Variants in CERS6 observed in about 807,000 individuals in gnomAD.
The protein encoded by CERS6 is LAG1 homolog, ceramide synthase 6.
In CERS6, 26 loss-of-function variants were observed where a neutral mutation model predicts 56.8. The observed-to-expected ratio is 0.46, with a 90% CI of 0.34 to 0.63. CERS6 has a LOEUF of 0.63. Among genes scored for constraint, CERS6 ranks in the 30% least tolerant of loss-of-function variants. The pLI, the probability that CERS6 is intolerant of heterozygous loss-of-function variation, is 0.01. For missense variants in CERS6, 415 were observed against 467.5 expected (o/e 0.89, Z 1.04); for synonymous variants, 164 against 173.3 (o/e 0.95, Z 0.42).
intron 8 of CERS6, among the ~76,000 whole-genome samples, chr2:168,738,651 T>C (rs560130005): frequency 3.3e-5 from 5 of 152,282 alleles, no homozygotes; most frequent in African/African-American, 1.2e-4. Context: ...GCATCACAGA[T>C]TTTTTATAAG....
chr2:168,500,564 A>C (rs1383001049), intron 1 of CERS6, among the ~76,000 whole-genome samples: 1 of 152,194 alleles, frequency 6.6e-6, no homozygotes. Flanking sequence ...TTATCATGCT[A>C]TTTCATATAT....
At chr2:168,689,415 C>G (rs2105359336) in intron 4 of CERS6, among the ~76,000 whole-genome samples, 1 of 152,102 alleles carries the variant, frequency 6.6e-6, no homozygotes, top group South Asian at 2.1e-4. Flanking sequence ...GGACAAAAGA[C>G]CAAAAATGGG....
At chr2:168,569,825 TA>T (rs1428396686) in intron 3 of CERS6, among the ~76,000 whole-genome samples, 1 of 152,206 alleles carries the variant, frequency 6.6e-6, no homozygotes, top group Non-Finnish European at 1.5e-5. Context: ...ACTGGATTCG[TA>T]AAATGGGCAC....
intron 1 of CERS6, among the ~76,000 whole-genome samples, chr2:168,477,873 A>G (rs1400742334): frequency 6.6e-6 from 1 of 152,190 alleles, no homozygotes; most frequent in Non-Finnish European, 1.5e-5. Flanking sequence ...ACATTTTTAT[A>G]TGTTTTAAAG....
At chr2:168,767,815 T>C (rs1684760864) in intron 9 of CERS6, among the ~76,000 whole-genome samples, 1 of 152,138 alleles carries the variant, frequency 6.6e-6, no homozygotes, top group African/African-American at 2.4e-5. Context: ...AATTCTGCCA[T>C]ACCTCCCAGG....
At chr2:168,711,336 C>G (rs1477497722) in intron 6 of CERS6, among the ~76,000 whole-genome samples, 1 of 152,160 alleles carries the variant, frequency 6.6e-6, no homozygotes, top group African/African-American at 2.4e-5. Flanking sequence ...CACATATACA[C>G]AAATATGAAA....
chr2:168,719,013 G>A (rs572398024), intron 8 of CERS6, among the ~76,000 whole-genome samples: 32 of 152,324 alleles, frequency 2.1e-4, no homozygotes, highest in Non-Finnish European at 4.4e-4. Flanking sequence ...AAGCTTACCA[G>A]TCTAGAATAT....
chr2:168,505,796 G>A lies in CERS6; in HGVS notation c.171-41800G>A, dbSNP rs10167281. On this transcript the variant is annotated intron_variant, in intron 1 of 9. Transcript: ENST00000305747. ...TGGTCTAGTGTCAGTCTGCTTTGGG[G>A]AAATAATTGGTTTCTTCTAGCTCAA... is the stretch of plus-strand genomic sequence containing the variant. Among the ~76,000 whole-genome samples, 682 of 152,308 alleles carry A rather than the reference G, an allele frequency of 4.5e-3. 3 individuals carry two copies. The highest frequency in any genetic ancestry group is 0.015 in the African/African-American group (629 of 41,564).
chr2:168,763,456 T>G (rs187987780), intron 8 of CERS6, among the ~76,000 whole-genome samples: 76 of 151,916 alleles, frequency 5.0e-4, no homozygotes, highest in African/African-American at 1.8e-3. Flanking sequence ...GAGACAGGGT[T>G]TCAGCATCTT....
At chr2:168,737,542 A>G (rs895620054) in intron 8 of CERS6, among the ~76,000 whole-genome samples, 1 of 152,230 alleles carries the variant, frequency 6.6e-6, no homozygotes, top group Admixed American at 6.5e-5. Context: ...TCTGATACAC[A>G]TTTGAAATCC....
chr2:168,623,583 G>C (rs1359660646), intron 3 of CERS6, among the ~76,000 whole-genome samples: 1 of 152,104 alleles, frequency 6.6e-6, no homozygotes, highest in African/African-American at 2.4e-5. Flanking sequence ...ATGTCTGATG[G>C]CTTTGTTAGA....
At chr2:168,671,716 AT>A (rs1685922881) in intron 4 of CERS6, among the ~76,000 whole-genome samples, 1 of 152,212 alleles carries the variant, frequency 6.6e-6, no homozygotes, top group African/African-American at 2.4e-5. Flanking sequence ...AACTCATGAT[AT>A]ATGAAGATGG....
chr2:168,603,416 A>G (rs543529150), intron 3 of CERS6, among the ~76,000 whole-genome samples: 1 of 152,228 alleles, frequency 6.6e-6, no homozygotes, highest in Non-Finnish European at 1.5e-5. Flanking sequence ...GAGAATGACT[A>G]TCAATAGGTA....
chr2:168,641,281 A>G (rs372292700), intron 4 of CERS6, among the ~76,000 whole-genome samples: 3 of 151,824 alleles, frequency 2.0e-5, no homozygotes, highest in Admixed American at 6.6e-5. Flanking sequence ...GTGTCTTTCA[A>G]TTAAACTGAT....
chr2:168,557,348 T>C (rs188371349), intron 2 of CERS6, among the ~76,000 whole-genome samples: 71 of 152,334 alleles, frequency 4.7e-4, no homozygotes, highest in African/African-American at 1.1e-3. Context: ...CCCTATGTTA[T>C]GATCTTAATG....
chr2:168,665,060 C>A (rs2161978), intron 4 of CERS6, among the ~76,000 whole-genome samples: 3 of 151,998 alleles, frequency 2.0e-5, no homozygotes, highest in Admixed American at 6.5e-5. Context: ...GAGTTTTTCT[C>A]TTCTTTGCAG....
At chr2:168,747,687 G>A (rs1358107315) in intron 8 of CERS6, among the ~76,000 whole-genome samples, 3 of 151,918 alleles carry the variant, frequency 2.0e-5, no homozygotes, top group Non-Finnish European at 4.4e-5. Flanking sequence ...TGATCATATA[G>A]TTTAAATATT....
chr2:168,590,144 C>T (rs1379186067), intron 3 of CERS6, among the ~76,000 whole-genome samples: 1 of 152,200 alleles, frequency 6.6e-6, no homozygotes, highest in Non-Finnish European at 1.5e-5. Flanking sequence ...TGACCCACTG[C>T]ATTTGTCCAG....
At chr2:168,742,402 TG>T (rs1459499427) in intron 8 of CERS6, among the ~76,000 whole-genome samples, 1 of 152,220 alleles carries the variant, frequency 6.6e-6, no homozygotes, top group Non-Finnish European at 1.5e-5. Context: ...GTTTGGTCTA[TG>T]CTTGTCAATT....
Sources: gnomAD v4.1 joint callset for allele counts (sites outside exome capture counted in the v4.1 genomes callset) on GRCh38, gnomAD v4.1.1 for gene constraint, MANE v1.5 for transcripts, NCBI Gene and HGNC (gene_info 2026-07-23, HGNC 2026-07-21) for gene names.